SLC1A2: variants seen among roughly 807,000 people sequenced by gnomAD.
The protein encoded by SLC1A2 is solute carrier family 1 member 2, also known as excitatory amino acid transporter 2.
SLC1A2 carries 15 observed loss-of-function variants against 48.8 expected under a neutral mutation model. The observed-to-expected ratio is 0.31, with a 90% confidence interval of 0.21 to 0.47. The LOEUF is 0.47. SLC1A2 is among the 20% of genes least tolerant of loss of function. The probability of loss-of-function intolerance (pLI) is 0.99; values close to 1 mark genes in which losing one functional copy is unlikely to be tolerated. For missense variants in SLC1A2, 502 were observed against 730.5 expected (o/e 0.69, Z 3.61); for synonymous variants, 279 against 272.6 (o/e 1.02, Z -0.23).
In SLC1A2 at chr11:35,252,947, G is replaced by A. The variant is rs574654144; in HGVS notation, c.*7947C>T. On this transcript the variant is annotated 3_prime_UTR_variant, in exon 11 of 11. Coordinates refer to ENST00000278379, the MANE Select transcript of SLC1A2 (RefSeq NM_004171.4). ...TAGATACAATTATTGCCAGTCGAGG[G>A]TACATCTAATCTGTTTGTTTAATGA... 1.3e-5 allele frequency: 2 copies of A among 152,644 alleles called. No homozygotes were observed. Among genetic ancestry groups the A allele is most frequent in the Admixed American group, 1.3e-4 (2 of 15,284 alleles). The allele number at this position is 152,644 out of a possible 1,614,324, so 9.5% of individuals were successfully genotyped here. A position where few individuals can be genotyped will look rare whatever the true frequency, so the allele number is the denominator to read the frequency against.
Position 35,259,765 on chromosome 11 carries a change from G to C in SLC1A2, c.*1129C>G, listed in dbSNP as rs1950366919. The C allele has an allele frequency of 6.6e-6, 1 of 152,100 alleles. No homozygotes were observed. The highest frequency in any genetic ancestry group is 1.5e-5 in the Non-Finnish European group (1 of 68,026). The allele number at this position is 152,100 out of a possible 1,614,324, so 9.4% of individuals were successfully genotyped here. A position where few individuals can be genotyped will look rare whatever the true frequency, so the allele number is the denominator to read the frequency against. On this transcript the variant is annotated 3_prime_UTR_variant, in exon 11 of 11. Coordinates refer to ENST00000278379, the MANE Select transcript of SLC1A2 (RefSeq NM_004171.4). ...CTGCTTCCAACTGTGTCCTATAACT[G>C]GTTTTATGTGCTTTGATAGAAGATA...
In SLC1A2 at chr11:35,315,187, G is replaced by A. The variant is rs780219094; in HGVS notation, c.158-12C>T. On this transcript the variant is annotated splice_polypyrimidine_tract_variant and intron_variant, in intron 2 of 10. Coordinates refer to ENST00000278379, the MANE Select transcript of SLC1A2 (RefSeq NM_004171.4). ...TCCCAGGATGACACCTAAAAGGAAG[G>A]GGAAAACAATATGAATTTATTTTTT... is the stretch of plus-strand genomic sequence containing the variant. 6.8e-6 allele frequency: 11 copies of A among 1,610,892 alleles called. No homozygotes were observed. Among genetic ancestry groups the A allele is most frequent in the Admixed American group, 3.3e-5 (2 of 59,902 alleles).
In SLC1A2 at chr11:35,280,968, G is replaced by A. The variant is rs1336061757; in HGVS notation, c.1320C>T (p.Ala440=). Residue 440 remains alanine, a synonymous_variant, in exon 9 of 11, where the codon GCC becomes GCT. Transcript: ENST00000278379. ...LTATLASVGA[A]SIPSAGLVTM... is the part of the protein sequence containing the mutation. The stretch of plus-strand genomic sequence containing the variant: ...TGACCAGCCCGGCACTGGGGATACT[G>A]GCCGCGCCGACGCTTGCCAGGGTGG... 1.2e-6 allele frequency: 2 copies of A among 1,611,236 alleles called. No individual in the cohort carries two copies. The highest frequency in any genetic ancestry group is 2.7e-5 in the African/African-American group (2 of 74,748).
chr11:35,282,209 C>A (rs1850661885), intron 8 of SLC1A2, among the ~76,000 whole-genome samples: 1 of 152,150 alleles, frequency 6.6e-6, no homozygotes, highest in African/African-American at 2.4e-5. Context: ...CCCTTCCCCT[C>A]CCCGTCCATG....
At chr11:35,277,254 C>G (rs895661339) in intron 9 of SLC1A2, among the ~76,000 whole-genome samples, 4 of 152,204 alleles carry the variant, frequency 2.6e-5, no homozygotes, top group Non-Finnish European at 4.4e-5. Flanking sequence ...CTCTGGGCCT[C>G]TCTGCTCCTC....
At chr11:35,354,664 A>G (rs1217172076) in intron 1 of SLC1A2, among the ~76,000 whole-genome samples, 1 of 152,074 alleles carries the variant, frequency 6.6e-6, no homozygotes, top group Admixed American at 6.5e-5. Flanking sequence ...AAATGCCAAT[A>G]GGGCCGAGGT....
intron 1 of SLC1A2, chr11:35,371,128 C>A (rs1353760867): frequency 1.0e-6 from 1 of 968,120 alleles, no homozygotes; most frequent in Non-Finnish European, 1.2e-6. Flanking sequence ...TCAGTGAGAA[C>A]CCTTTGCCTC....
rs1264034350 is a variant in SLC1A2 at position 35,258,044 on chromosome 11, T to C, written c.*2850A>G. The C allele has an allele frequency of 6.6e-6, 1 of 152,222 alleles. No individual in the cohort carries two copies. The highest frequency in any genetic ancestry group is 1.5e-5 in the Non-Finnish European group (1 of 68,038). The allele number at this position is 152,222 out of a possible 1,614,324, so 9.4% of individuals were successfully genotyped here. On this transcript the variant is annotated 3_prime_UTR_variant, in exon 11 of 11. Transcript: ENST00000278379. Reference sequence around the variant, plus strand: ...ACCCTGGATCCATTTGTTCTGTTTATGGCACATATGCTGGGCAAAGAAAAT... The same window carrying C: ...ACCCTGGATCCATTTGTTCTGTTTACGGCACATATGCTGGGCAAAGAAAAT...
intron 1 of SLC1A2, chr11:35,322,596 C>A: frequency 6.5e-7 from 1 of 1,535,042 alleles, no homozygotes. Context: ...CCTCTCCTCC[C>A]TGGCCCCAGG....
At chr11:35,351,128 A>G (rs764859626) in intron 1 of SLC1A2, among the ~76,000 whole-genome samples, 7 of 152,254 alleles carry the variant, frequency 4.6e-5, no homozygotes, top group Non-Finnish European at 1.0e-4. Flanking sequence ...CCAATAACCC[A>G]GTGAAATACA....
At chr11:35,282,782 T>G (rs1215452787) in intron 8 of SLC1A2, among the ~76,000 whole-genome samples, 1 of 152,172 alleles carries the variant, frequency 6.6e-6, no homozygotes, top group Non-Finnish European at 1.5e-5. Flanking sequence ...TGGTTATCCT[T>G]TGGTTGTGTG....
chr11:35,290,520 T>TC (rs1850965703), intron 7 of SLC1A2, among the ~76,000 whole-genome samples: 1 of 152,148 alleles, frequency 6.6e-6, no homozygotes, highest in Non-Finnish European at 1.5e-5. Flanking sequence ...TTATGACCAG[T>TC]TATCACTGGG....
intron 1 of SLC1A2, among the ~76,000 whole-genome samples, chr11:35,409,730 G>A (rs984695598): frequency 6.6e-6 from 1 of 152,056 alleles, no homozygotes; most frequent in South Asian, 2.1e-4. Context: ...CCAATATGGT[G>A]AAATCCTATC....
At chr11:35,303,594 T>A (rs1851417476) in intron 5 of SLC1A2, among the ~76,000 whole-genome samples, 1 of 152,182 alleles carries the variant, frequency 6.6e-6, no homozygotes, top group South Asian at 2.1e-4. Flanking sequence ...ATAGCTCATA[T>A]TACTTGGTTA....
intron 1 of SLC1A2, among the ~76,000 whole-genome samples, chr11:35,407,299 A>T (rs1311020006): frequency 1.3e-5 from 2 of 152,178 alleles, no homozygotes; most frequent in East Asian, 3.8e-4. Flanking sequence ...TCAGTCTCAC[A>T]GAGGCACCCT....
At chr11:35,387,314 C>T (rs1025707243) in intron 1 of SLC1A2, among the ~76,000 whole-genome samples, 1 of 152,282 alleles carries the variant, frequency 6.6e-6, no homozygotes, top group African/African-American at 2.4e-5. Context: ...GCTTTTTATG[C>T]AATCCCAAAA....
At chr11:35,383,618 G>A (rs1339483641) in intron 1 of SLC1A2, among the ~76,000 whole-genome samples, 1 of 152,172 alleles carries the variant, frequency 6.6e-6, no homozygotes, top group African/African-American at 2.4e-5. Flanking sequence ...CCCACCTCAT[G>A]GGGTTGTTCT....
intron 1 of SLC1A2, among the ~76,000 whole-genome samples, chr11:35,356,529 G>A (rs942108642): frequency 1.3e-5 from 2 of 152,330 alleles, no homozygotes; most frequent in Admixed American, 1.3e-4. Flanking sequence ...GGGCAAAAAT[G>A]CGGTGCATTC....
At chr11:35,313,708 A>G (rs1170088878) in intron 3 of SLC1A2, among the ~76,000 whole-genome samples, 5 of 152,098 alleles carry the variant, frequency 3.3e-5, no homozygotes, top group African/African-American at 1.2e-4. Flanking sequence ...AGGTGCAGAG[A>G]ACATTTTCTC....
Sources: allele counts gnomAD v4.1 joint callset (sites outside exome capture counted in the v4.1 genomes callset), GRCh38; gene constraint gnomAD v4.1.1; transcripts MANE v1.5; gene names NCBI Gene and HGNC (gene_info 2026-07-23, HGNC 2026-07-21).